The following RBFOX3 variants were observed in gnomAD, a reference collection of about 807,000 sequenced individuals.
The protein encoded by RBFOX3 is RNA binding fox-1 homolog 3.
A neutral mutation model predicts 48.7 loss-of-function variants in RBFOX3; 17 were observed. The ratio of observed to expected loss-of-function variants is 0.35; its 90% confidence interval spans 0.24 to 0.52. The LOEUF (loss-of-function observed/expected upper bound fraction) is 0.52, where lower values mean the gene tolerates loss of function less well. Among genes scored for constraint, RBFOX3 ranks in the 20% least tolerant of loss-of-function variants. The pLI is 0.94. For synonymous variants in RBFOX3, 212 were observed against 209.5 expected, an observed-to-expected ratio of 1.01 and a Z score of -0.10; for missense variants, 382 against 497.5, an observed-to-expected ratio of 0.77 and a Z score of 2.21.
At chr17:79,511,672 C>T (rs1318254658) in intron 1 of RBFOX3, among the ~76,000 whole-genome samples, 12 of 150,612 alleles carry the variant, frequency 8.0e-5, no homozygotes, top group South Asian at 4.2e-4. Context: ...GACACCCACC[C>T]GGATACATGT....
At chr17:79,374,772 T>C (rs1333770783) in intron 2 of RBFOX3, among the ~76,000 whole-genome samples, 1 of 152,228 alleles carries the variant, frequency 6.6e-6, no homozygotes, top group Non-Finnish European at 1.5e-5. Flanking sequence ...AGCAAAAGGG[T>C]TATTTTCTGG....
chr17:79,331,015 G>A (rs893960032), intron 2 of RBFOX3, among the ~76,000 whole-genome samples: 1 of 152,158 alleles, frequency 6.6e-6, no homozygotes, highest in Non-Finnish European at 1.5e-5. Flanking sequence ...TAACTGACCG[G>A]TATGCTTAGA....
chr17:79,388,853 C>T (rs1329368775), intron 2 of RBFOX3, among the ~76,000 whole-genome samples: 2 of 152,248 alleles, frequency 1.3e-5, no homozygotes. Flanking sequence ...CCGCTAACCA[C>T]TTATCTCTGA....
intron 1 of RBFOX3, among the ~76,000 whole-genome samples, chr17:79,590,110 G>A (rs9675227): frequency 0.85 from 128,701 of 151,860 alleles, 54,590 homozygotes; most frequent in Middle Eastern, 0.93. Flanking sequence ...AGTGTGCCTT[G>A]GCTTTGCCCC....
At chr17:79,154,214 C>A (rs1395260582) in intron 4 of RBFOX3, among the ~76,000 whole-genome samples, 1 of 148,126 alleles carries the variant, frequency 6.8e-6, no homozygotes, top group Non-Finnish European at 1.5e-5. Flanking sequence ...GGCCTCAGGG[C>A]CCTCGTACAT....
chr17:79,633,157 G>A, the RBFOX3 span, among the ~76,000 whole-genome samples: 1 of 152,226 alleles, frequency 6.6e-6, no homozygotes, highest in Non-Finnish European at 1.5e-5. Context: ...GGCCTCCAGA[G>A]TCCGGGGCTC....
chr17:79,154,751 T>G (rs924513559), intron 4 of RBFOX3, among the ~76,000 whole-genome samples: 4 of 152,232 alleles, frequency 2.6e-5, no homozygotes, highest in African/African-American at 9.6e-5. Context: ...GTTGGCTGGT[T>G]CCTGCTTCTC....
At chr17:79,615,225 C>G, upstream of RBFOX3, among the ~76,000 whole-genome samples, 1 of 152,258 alleles carries the variant, frequency 6.6e-6, no homozygotes, top group East Asian at 1.9e-4. Flanking sequence ...CCTTACTTCA[C>G]AAAATTAACA....
chr17:79,472,757 C>G (rs1199143519), intron 2 of RBFOX3, among the ~76,000 whole-genome samples: 1 of 152,212 alleles, frequency 6.6e-6, no homozygotes, highest in African/African-American at 2.4e-5. Flanking sequence ...AGGACACTGC[C>G]CTGGGTCTGT....
At chr17:79,591,472 A>G (rs1449809021) in intron 1 of RBFOX3, among the ~76,000 whole-genome samples, 3 of 152,142 alleles carry the variant, frequency 2.0e-5, no homozygotes, top group African/African-American at 7.2e-5. Context: ...GTACACATTT[A>G]TTGGGCACCT....
chr17:79,272,710 T>C (rs2067965177), intron 3 of RBFOX3, among the ~76,000 whole-genome samples: 1 of 152,222 alleles, frequency 6.6e-6, no homozygotes, highest in Non-Finnish European at 1.5e-5. Context: ...TCCAGCTCTG[T>C]CATCGCAGAT....
intron 2 of RBFOX3, among the ~76,000 whole-genome samples, chr17:79,349,569 C>T (rs1372927390): frequency 6.6e-6 from 1 of 152,108 alleles, no homozygotes; most frequent in Non-Finnish European, 1.5e-5. Flanking sequence ...ATTTCCCTGA[C>T]CATGGTGACC....
At position 79,345,944 on chromosome 17, in the gene RBFOX3, T is replaced by G. The variant is rs186916878; in HGVS notation, c.-174-38120A>C. 9.8e-5 allele frequency among the ~76,000 whole-genome samples: 15 copies of G among 152,330 alleles called. No homozygotes were observed. The East Asian group carries it at 2.9e-3, about 29-fold the overall frequency. On this transcript the variant is annotated intron_variant, in intron 2 of 14. Coordinates refer to ENST00000693108, the MANE Select transcript of RBFOX3 (RefSeq NM_001350451.2). ...TGTTTGTTTGTTTGTTTTGTTTTTT[T>G]GAGATGGAGTCTTTCACCCAGGCTG...
At chr17:79,426,809 A>G (rs1455198502) in intron 2 of RBFOX3, among the ~76,000 whole-genome samples, 1 of 152,000 alleles carries the variant, frequency 6.6e-6, no homozygotes, top group Non-Finnish European at 1.5e-5. Flanking sequence ...GGTTCAAGGG[A>G]TTCTCCTGCC....
chr17:79,650,674 T>C, the RBFOX3 span, among the ~76,000 whole-genome samples: 10 of 151,672 alleles, frequency 6.6e-5, no homozygotes, highest in East Asian at 9.7e-4. Flanking sequence ...CCCAGGCAGA[T>C]CAGAGGATGC....
intron 4 of RBFOX3, among the ~76,000 whole-genome samples, chr17:79,181,305 C>A (rs1398881727): frequency 6.6e-6 from 1 of 152,250 alleles, no homozygotes; most frequent in African/African-American, 2.4e-5. Flanking sequence ...GACATTCCTG[C>A]CATGCCTGGG....
chr17:79,305,666 G>A (rs2075996402), intron 3 of RBFOX3, among the ~76,000 whole-genome samples: 1 of 152,232 alleles, frequency 6.6e-6, no homozygotes, highest in African/African-American at 2.4e-5. Context: ...GCCTGTGTGG[G>A]CTGGGGTGGG....
rs1555639160 is a variant in RBFOX3 at position 79,271,077 on chromosome 17, A to AC, written c.-73-35273_-73-35272insG. On this transcript the variant is annotated intron_variant, in intron 3 of 14. Transcript: ENST00000693108. ...GCATCTTTTCTTAAAAATTCATAAG[A>AC]TTTTTTTTTTTTTTTGAGACGGAGT... 1.3e-4 allele frequency among the ~76,000 whole-genome samples: 10 copies of AC among 77,446 alleles called. No individual in the cohort carries two copies. The East Asian group carries it at 4.7e-3, about 36-fold the overall frequency. 50.8% of individuals were successfully genotyped at this position (77,446 alleles called of 152,430 possible).
intron 4 of RBFOX3, among the ~76,000 whole-genome samples, chr17:79,152,845 G>A (rs998581302): frequency 3.3e-5 from 5 of 152,206 alleles, no homozygotes; most frequent in East Asian, 1.9e-4. Flanking sequence ...CCAGGAACAC[G>A]GCGCCGGCCT....
Sources: allele counts gnomAD v4.1 joint callset (sites outside exome capture counted in the v4.1 genomes callset), GRCh38; gene constraint gnomAD v4.1.1; transcripts MANE v1.5; gene names NCBI Gene and HGNC (gene_info 2026-07-23, HGNC 2026-07-21).